HOMER2: variants seen among roughly 807,000 people sequenced by gnomAD.
The protein encoded by HOMER2 is homer scaffold protein 2.
Under a neutral mutation model 47.0 loss-of-function variants are expected in HOMER2, and 27 were observed. That is an observed-to-expected ratio of 0.57 (90% CI 0.42 to 0.79). The LOEUF is 0.79. HOMER2 is among the 30% of genes least tolerant of loss of function. The pLI, the probability that HOMER2 is intolerant of heterozygous loss-of-function variation, is 0.00. For missense variants in HOMER2, 443 were observed against 435.0 expected, an observed-to-expected ratio of 1.02 and a Z score of -0.16; for synonymous variants, 161 against 163.8, an observed-to-expected ratio of 0.98 and a Z score of 0.13.
intron 1 of HOMER2, among the ~76,000 whole-genome samples, chr15:82,905,329 C>A: frequency 6.9e-6 from 1 of 144,616 alleles, no homozygotes; most frequent in Admixed American, 6.9e-5. Flanking sequence ...TGTGGGAAAA[C>A]TGGAAAAGGT....
At chr15:82,859,258 G>A (rs759913149) in intron 4 of HOMER2, 123 bp from the exon 5 acceptor site, 40 of 1,380,704 alleles carry the variant, frequency 2.9e-5, no homozygotes, top group Non-Finnish European at 3.7e-5. Flanking sequence ...GAGTGTGGAC[G>A]AACCAACTCA....
chr15:82,875,007 C>G (rs2052300986), intron 3 of HOMER2, among the ~76,000 whole-genome samples: 1 of 152,156 alleles, frequency 6.6e-6, no homozygotes, highest in Admixed American at 6.5e-5. Context: ...TGGCTGACAC[C>G]TGGAGGGGAG....
chr15:82,918,249 A>T (rs1367305469), intron 1 of HOMER2, among the ~76,000 whole-genome samples: 2 of 152,154 alleles, frequency 1.3e-5, no homozygotes, highest in Non-Finnish European at 2.9e-5. Context: ...ACTCAGGATG[A>T]GTACTGGGTG....
intron 3 of HOMER2, among the ~76,000 whole-genome samples, chr15:82,868,537 A>ATATATATG (rs1408672217): frequency 1.6e-5 from 1 of 60,860 alleles, no homozygotes; most frequent in Non-Finnish European, 3.5e-5. Flanking sequence ...ATATATATAT[A>ATATATATG]TATATTTTTT....
Position 82,952,568 on chromosome 15 carries a change from G to C in HOMER2, c.-33C>G. The C allele has an allele frequency of 5.1e-6, 6 of 1,166,780 alleles. No individual in the cohort carries two copies. The highest frequency in any genetic ancestry group is 6.3e-6 in the Non-Finnish European group (6 of 946,396). 72.3% of individuals were successfully genotyped at this position (1,166,780 alleles called of 1,614,324 possible). ...GCTGCTCCGGCGGCCGCTCCGACGG[G>C]GCCTCTCGCGCTCGCTCTCCGCCCG... On this transcript the variant is annotated 5_prime_UTR_variant, in exon 1 of 9. Coordinates refer to ENST00000450735, the MANE Select transcript of HOMER2 (RefSeq NM_004839.4).
intron 1 of HOMER2, among the ~76,000 whole-genome samples, chr15:82,946,200 C>T (rs1208518702): frequency 1.3e-5 from 2 of 152,174 alleles, no homozygotes; most frequent in South Asian, 2.1e-4. Context: ...CTCTGCTCAG[C>T]GTCCCGCTTC....
chr15:82,879,457 A>G (rs537702498), intron 2 of HOMER2, among the ~76,000 whole-genome samples: 40 of 152,330 alleles, frequency 2.6e-4, no homozygotes, highest in African/African-American at 9.1e-4. Flanking sequence ...TGATCGTGCC[A>G]CTGTACTCTA....
intron 3 of HOMER2, among the ~76,000 whole-genome samples, chr15:82,872,343 T>G (rs1412331107): frequency 6.6e-6 from 1 of 152,146 alleles, no homozygotes; most frequent in Non-Finnish European, 1.5e-5. Flanking sequence ...CCATCCCTCA[T>G]CACCCCAGAA....
At chr15:82,841,532 TTTGATATATA>T (rs1373793967) in exon 2 of HOMER2, 1 of 5,890 alleles carries the variant, frequency 1.7e-4, no homozygotes, top group East Asian at 0.033. Flanking sequence ...GTAAAAAAAA[TTTGATATATA>T]TATATCAAAT....
intron 1 of HOMER2, chr15:82,952,204 A>AG (rs2054520220): frequency 3.6e-6 from 1 of 280,842 alleles, no homozygotes; most frequent in Non-Finnish European, 5.4e-6. Context: ...GACTGCGCCC[A>AG]GGGGCGAAGA....
chr15:82,853,417 C>A (rs1284813400), intron 6 of HOMER2, among the ~76,000 whole-genome samples: 2 of 152,204 alleles, frequency 1.3e-5, no homozygotes, highest in Non-Finnish European at 2.9e-5. Context: ...TGGTGCCCAA[C>A]CGTCAGCACC....
At chr15:82,984,819 G>C (rs1286099523) in intron 1 of HOMER2, among the ~76,000 whole-genome samples, 3 of 151,796 alleles carry the variant, frequency 2.0e-5, no homozygotes, top group African/African-American at 7.3e-5. Flanking sequence ...CTGTGTCAAA[G>C]AAACAAACAA....
intron 4 of HOMER2, among the ~76,000 whole-genome samples, chr15:82,862,579 C>A (rs569046673): frequency 3.3e-5 from 5 of 152,116 alleles, no homozygotes; most frequent in Non-Finnish European, 2.9e-5. Context: ...CTTTCTAGAC[C>A]ATGGACAATT....
exon 2 of HOMER2, chr15:82,839,894 A>T (rs2051159104): frequency 6.6e-6 from 1 of 152,232 alleles, no homozygotes; most frequent in African/African-American, 2.4e-5. Context: ...TCTCAAGAAA[A>T]CATCCATGAT....
intron 1 of HOMER2, among the ~76,000 whole-genome samples, chr15:82,941,070 G>C (rs753162128): frequency 7.9e-5 from 12 of 151,984 alleles, no homozygotes; most frequent in Non-Finnish European, 1.5e-4. Flanking sequence ...TATCCCTTCA[G>C]TTCTTGCCTG....
chr15:82,854,385 G>A (rs1316128535), intron 6 of HOMER2, among the ~76,000 whole-genome samples: 1 of 152,060 alleles, frequency 6.6e-6, no homozygotes, highest in Non-Finnish European at 1.5e-5. Flanking sequence ...CAGCCTGGGT[G>A]ACAGAGCGAG....
downstream of HOMER2, chr15:82,834,969 A>G (rs1407809915): frequency 6.6e-6 from 1 of 152,156 alleles, no homozygotes; most frequent in African/African-American, 2.4e-5. Context: ...GACTGATGCA[A>G]AGCAGTCCGT....
chr15:82,945,979 A>T (rs1412425971), intron 1 of HOMER2, among the ~76,000 whole-genome samples: 1 of 145,716 alleles, frequency 6.9e-6, no homozygotes, highest in Non-Finnish European at 1.5e-5. Context: ...CAAAAACATT[A>T]AAAAAAAAAA....
rs917148114 is a variant in HOMER2, at chr15:82,930,042, C to T, written c.5+22489G>A. ...CCACGCCCGGCCTAACACAGCTTTT[C>T]TGAGGCACATCTCTGCTTTTGGTTT... On this transcript the variant is annotated intron_variant, in intron 1 of 8. Transcript: ENST00000450735. Among the ~76,000 whole-genome samples, 19 of 152,150 alleles carry T rather than the reference C, an allele frequency of 1.2e-4. 1 individual carries two copies. The highest frequency in any genetic ancestry group is 1.9e-4 in the East Asian group (1 of 5,172).
Sources: allele counts gnomAD v4.1 joint callset (sites outside exome capture counted in the v4.1 genomes callset), GRCh38; gene constraint gnomAD v4.1.1; transcripts MANE v1.5; gene names NCBI Gene and HGNC (gene_info 2026-07-23, HGNC 2026-07-21).